EYS: variants seen among roughly 807,000 people sequenced by gnomAD.
EYS encodes the protein protein eyes shut homolog.
A neutral mutation model predicts 282.1 loss-of-function variants in EYS; 250 were observed. That is an observed-to-expected ratio of 0.89 (90% confidence interval 0.80 to 0.98). EYS has a LOEUF of 0.98. Among genes scored for constraint, EYS ranks in the 50% least tolerant of loss-of-function variants. The pLI, the probability that EYS is intolerant of heterozygous loss-of-function variation, is 0.00. For missense variants in EYS, 4,016 were observed against 3,709.0 expected, an observed-to-expected ratio of 1.08 and a Z score of -2.15; for synonymous variants, 1,355 against 1,282.9, an observed-to-expected ratio of 1.06 and a Z score of -1.20.
In EYS at chr6:64,055,203, A is replaced by C. The variant is rs140912507; in HGVS notation, c.6725+11135T>G. On this transcript the variant is annotated intron_variant, in intron 33 of 42. Coordinates refer to ENST00000503581, the MANE Select transcript of EYS (RefSeq NM_001142800.2). ...GGATAGTGGATTAGTCACTCTGCTA[A>C]CTGCCTAATTATGAAGTGTTTTTAA... Among the ~76,000 whole-genome samples, 98 of 152,324 alleles carry C rather than the reference A, an allele frequency of 6.4e-4. No individual in the cohort carries two copies. The East Asian group carries it at 8.3e-3, about 13-fold the overall frequency.
rs144342972 is a variant in EYS, at chr6:64,889,873, T to C, written c.2847-3031A>G. On this transcript the variant is annotated intron_variant, in intron 18 of 42. Transcript: ENST00000503581. ...AAAAGAACAGGATAACAGCAACTGT[T>C]CAGGGAATAAGAGAGATAACCTTAA... 6.7e-3 allele frequency among the ~76,000 whole-genome samples: 1,012 copies of C among 152,094 alleles called. 13 individuals carry two copies. Among genetic ancestry groups the C allele is most frequent in the African/African-American group, 0.023 (961 of 41,520 alleles).
chr6:64,155,694 G>A (rs1430591265), intron 31 of EYS, among the ~76,000 whole-genome samples: 1 of 152,110 alleles, frequency 6.6e-6, no homozygotes, highest in African/African-American at 2.4e-5. Flanking sequence ...TTCTGGTTTG[G>A]GGTAAGGCGA....
At chr6:64,125,687 G>C (rs1773757802) in intron 31 of EYS, among the ~76,000 whole-genome samples, 1 of 151,064 alleles carries the variant, frequency 6.6e-6, no homozygotes, top group Admixed American at 6.6e-5. Context: ...TCAGGAGAGT[G>C]AGGCAGGAGA....
chr6:65,341,645 G>A (rs1770203440), intron 10 of EYS, among the ~76,000 whole-genome samples: 1 of 151,024 alleles, frequency 6.6e-6, no homozygotes, highest in Non-Finnish European at 1.5e-5. Context: ...TGGCTCTGTG[G>A]AATTGTCAAG....
chr6:64,808,824 A>G (rs1043784640), intron 22 of EYS, among the ~76,000 whole-genome samples: 1 of 152,104 alleles, frequency 6.6e-6, no homozygotes, highest in Non-Finnish European at 1.5e-5. Flanking sequence ...AAAATAATTT[A>G]AAATAATAAA....
At chr6:64,568,333 A>T (rs1318947538) in intron 26 of EYS, among the ~76,000 whole-genome samples, 1 of 152,198 alleles carries the variant, frequency 6.6e-6, no homozygotes, top group Non-Finnish European at 1.5e-5. Flanking sequence ...GAAGATGAAC[A>T]TGAAAAAGAG....
intron 30 of EYS, among the ~76,000 whole-genome samples, chr6:64,295,061 G>GAA (rs1768867300): frequency 6.6e-6 from 1 of 151,554 alleles, no homozygotes; most frequent in African/African-American, 2.4e-5. Context: ...TGGGTTATTG[G>GAA]GTAGACATTT....
intron 1 of EYS, among the ~76,000 whole-genome samples, chr6:65,656,401 G>T (rs938060905): frequency 6.6e-6 from 1 of 151,888 alleles, no homozygotes; most frequent in East Asian, 1.9e-4. Flanking sequence ...TGAATGCAAA[G>T]CGGAAGTTCG....
chr6:64,973,858 G>T (rs1240016584), intron 14 of EYS, among the ~76,000 whole-genome samples: 1 of 151,632 alleles, frequency 6.6e-6, no homozygotes, highest in Non-Finnish European at 1.5e-5. Context: ...AAGTCAAAAG[G>T]GTGAAATTCC....
intron 31 of EYS, among the ~76,000 whole-genome samples, chr6:64,132,436 A>G (rs1372741421): frequency 6.6e-6 from 1 of 151,860 alleles, no homozygotes. Context: ...ATTATCTACA[A>G]TCTTTAGAGA....
rs79542053 is a variant in EYS at position 64,304,930 on chromosome 6, A to G, written c.6191+2040T>C. On this transcript the variant is annotated intron_variant, in intron 30 of 42. Coordinates refer to ENST00000503581, the MANE Select transcript of EYS (RefSeq NM_001142800.2). ...TGTGTTAAAAAATAAGAAAGATCTC[A>G]AATTCAACAAGTTAACTAAAACTTA... 2.1e-4 allele frequency among the ~76,000 whole-genome samples: 32 copies of G among 152,332 alleles called. No individual in the cohort carries two copies. In the East Asian group the frequency reaches 6.2e-3, roughly 29 times the overall value.
chr6:64,125,092 A>G (rs934995264), intron 31 of EYS, among the ~76,000 whole-genome samples: 1 of 151,984 alleles, frequency 6.6e-6, no homozygotes, highest in African/African-American at 2.4e-5. Context: ...CTGCACAAGC[A>G]GGATAGATCC....
chr6:65,163,165 C>G (rs1024157564), intron 12 of EYS, among the ~76,000 whole-genome samples: 4 of 151,066 alleles, frequency 2.6e-5, no homozygotes, highest in Admixed American at 1.3e-4. Flanking sequence ...TATTTTAGAG[C>G]TTTTTCAAAT....
At chr6:64,661,343 T>C (rs1718462943) in intron 22 of EYS, among the ~76,000 whole-genome samples, 1 of 152,078 alleles carries the variant, frequency 6.6e-6, no homozygotes, top group Non-Finnish European at 1.5e-5. Flanking sequence ...ACTTCATATG[T>C]AAAACACCAA....
intron 35 of EYS, among the ~76,000 whole-genome samples, chr6:63,918,966 C>T (rs931011528): frequency 6.6e-6 from 1 of 152,190 alleles, no homozygotes; most frequent in Non-Finnish European, 1.5e-5. Context: ...GAATCCTTTG[C>T]AAGCCTGGCA....
intron 22 of EYS, among the ~76,000 whole-genome samples, chr6:64,705,121 T>C (rs966322729): frequency 5.3e-5 from 8 of 152,246 alleles, no homozygotes; most frequent in Non-Finnish European, 1.0e-4. Context: ...ATAAATAAAT[T>C]CAACAAAGTT....
At chr6:63,921,662 T>C (rs911275242) in intron 35 of EYS, among the ~76,000 whole-genome samples, 2 of 152,200 alleles carry the variant, frequency 1.3e-5, no homozygotes, top group Non-Finnish European at 2.9e-5. Context: ...ACCTACCAAG[T>C]ATTCCTCACA....
chr6:65,100,168 C>T (rs1774853955), intron 12 of EYS, among the ~76,000 whole-genome samples: 1 of 150,710 alleles, frequency 6.6e-6, no homozygotes, highest in Admixed American at 6.7e-5. Flanking sequence ...TCACGATTAC[C>T]AGATATGATG....
intron 29 of EYS, among the ~76,000 whole-genome samples, chr6:64,374,091 CG>C (rs1438274558): frequency 1.3e-5 from 2 of 149,592 alleles, no homozygotes; most frequent in Non-Finnish European, 3.0e-5. Flanking sequence ...CTACTAGTGG[CG>C]GGGCAGGTAA....
Sources: gnomAD v4.1 joint callset for allele counts (sites outside exome capture counted in the v4.1 genomes callset) on GRCh38, gnomAD v4.1.1 for gene constraint, MANE v1.5 for transcripts, NCBI Gene and HGNC (gene_info 2026-07-23, HGNC 2026-07-21) for gene names.